The following CSMD1 variants were observed in gnomAD, a reference collection of about 807,000 sequenced individuals.
The protein encoded by CSMD1 is CUB and sushi domain-containing protein 1.
A neutral mutation model predicts 417.5 loss-of-function variants in CSMD1; 213 were observed. That is an observed-to-expected ratio of 0.51 (90% CI 0.46 to 0.57). The LOEUF (loss-of-function observed/expected upper bound fraction) is 0.57. Ranked by LOEUF, CSMD1 falls within the 20% of genes least tolerant of loss-of-function variation. CSMD1 has a pLI of 0.00. For synonymous variants in CSMD1, 2,862 were observed against 1,736.8 expected, an observed-to-expected ratio of 1.65 and a Z score of -16.11; for missense variants, 6,923 against 4,529.7, an observed-to-expected ratio of 1.53 and a Z score of -15.17.
At chr8:3,656,055 A>G (rs924090296) in intron 7 of CSMD1, among the ~76,000 whole-genome samples, 1 of 152,186 alleles carries the variant, frequency 6.6e-6, no homozygotes, top group Non-Finnish European at 1.5e-5. Context: ...AACATGAGAT[A>G]TATTTCAAAT....
At chr8:4,220,241 A>T (rs192241538) in intron 3 of CSMD1, among the ~76,000 whole-genome samples, 61 of 152,348 alleles carry the variant, frequency 4.0e-4, no homozygotes, top group Admixed American at 3.4e-3. Flanking sequence ...GTGAGCCACC[A>T]TGCCCAGTCT....
chr8:3,522,376 T>C (rs1797544373), intron 10 of CSMD1, among the ~76,000 whole-genome samples: 1 of 152,220 alleles, frequency 6.6e-6, no homozygotes, highest in African/African-American at 2.4e-5. Flanking sequence ...CAGGAACAAG[T>C]ATAAAAATAT....
At chr8:3,937,151 G>C (rs1250623629) in intron 5 of CSMD1, among the ~76,000 whole-genome samples, 3 of 152,130 alleles carry the variant, frequency 2.0e-5, no homozygotes, top group Non-Finnish European at 4.4e-5. Flanking sequence ...AAAGAAAGTG[G>C]TTTCTTTAGA....
chr8:4,960,925 T>C (rs567469122), intron 1 of CSMD1, among the ~76,000 whole-genome samples: 1 of 152,206 alleles, frequency 6.6e-6, no homozygotes, highest in South Asian at 2.1e-4. Flanking sequence ...CATGTGGCTG[T>C]TACTTCTGAT....
intron 5 of CSMD1, among the ~76,000 whole-genome samples, chr8:3,826,747 G>A (rs1477965930): frequency 2.0e-5 from 3 of 151,992 alleles, no homozygotes; most frequent in Non-Finnish European, 1.5e-5. Context: ...ATCCCTAGGA[G>A]GACTCACTTA....
At chr8:3,074,886 G>A (rs939580442) in intron 49 of CSMD1, among the ~76,000 whole-genome samples, 11 of 152,220 alleles carry the variant, frequency 7.2e-5, no homozygotes, top group Admixed American at 3.3e-4. Context: ...TTGTATCTAT[G>A]TCCCCACTCA....
At chr8:4,453,810 G>GTTTTTTTTTTTTTTTTTTTTTTTTTTTT (rs1392324658) in intron 2 of CSMD1, among the ~76,000 whole-genome samples, 1 of 93,020 alleles carries the variant, frequency 1.1e-5, no homozygotes. Context: ...TGCGCAATTC[G>GTTTTTTTTTTTTTTTTTTTTTTTTTTTT]TTTCTTTTTT....
chr8:4,735,884 C>G (rs1810201815), intron 1 of CSMD1, among the ~76,000 whole-genome samples: 1 of 152,154 alleles, frequency 6.6e-6, no homozygotes. Flanking sequence ...ATACAACACG[C>G]TACTGCTTTA....
rs188176354 is a variant in CSMD1 at position 4,142,910 on chromosome 8, T to A, written c.416-110811A>T. 4.0e-5 allele frequency among the ~76,000 whole-genome samples: 6 copies of A among 151,202 alleles called. No homozygotes were observed. In the East Asian group the frequency reaches 1.2e-3, roughly 29 times the overall value. The stretch of plus-strand genomic sequence containing the variant: ...GCTGACAACACAATAGGAGAAATTA[T>A]TTTTAGGTCATATGTTGAAGTATTT... On this transcript the variant is annotated intron_variant, in intron 3 of 69. Transcript: ENST00000635120.
At chr8:3,751,958 A>G (rs572965292) in intron 6 of CSMD1, among the ~76,000 whole-genome samples, 2 of 152,204 alleles carry the variant, frequency 1.3e-5, no homozygotes, top group Non-Finnish European at 2.9e-5. Flanking sequence ...ATATTGACTT[A>G]TGGTTATGTT....
chr8:3,908,202 A>C (rs867111742), intron 5 of CSMD1, among the ~76,000 whole-genome samples: 4 of 152,194 alleles, frequency 2.6e-5, no homozygotes, highest in South Asian at 4.1e-4. Flanking sequence ...TACTAAGCAC[A>C]TAATAGTCAT....
chr8:4,707,599 G>A (rs987578830), intron 1 of CSMD1, among the ~76,000 whole-genome samples: 1 of 151,998 alleles, frequency 6.6e-6, no homozygotes, highest in Non-Finnish European at 1.5e-5. Context: ...ACAAGAGAGG[G>A]GAAAGAGCCA....
intron 5 of CSMD1, among the ~76,000 whole-genome samples, chr8:3,984,095 C>T (rs1399153755): frequency 6.8e-6 from 1 of 147,612 alleles, no homozygotes; most frequent in Non-Finnish European, 1.5e-5. Context: ...TCTAACAGGG[C>T]TGTCAATAGC....
intron 11 of CSMD1, among the ~76,000 whole-genome samples, chr8:3,492,675 C>G (rs540001258): frequency 4.1e-4 from 63 of 152,270 alleles, no homozygotes; most frequent in African/African-American, 1.5e-3. Context: ...GTAGCTGAAG[C>G]AGATGCCCAG....
At chr8:3,177,257 C>G (rs1820999302) in intron 37 of CSMD1, among the ~76,000 whole-genome samples, 1 of 152,164 alleles carries the variant, frequency 6.6e-6, no homozygotes. Context: ...GGGGAGTGTG[C>G]CCTTCCACCC....
At chr8:4,160,192 T>G (rs545960638) in intron 3 of CSMD1, among the ~76,000 whole-genome samples, 1 of 152,182 alleles carries the variant, frequency 6.6e-6, no homozygotes, top group African/African-American at 2.4e-5. Context: ...GGGAAGTATT[T>G]GTCTTTTATA....
chr8:3,658,581 G>A (rs1046816578), intron 7 of CSMD1, among the ~76,000 whole-genome samples: 1 of 151,652 alleles, frequency 6.6e-6, no homozygotes, highest in African/African-American at 2.4e-5. Context: ...TCAGGAGTTT[G>A]AGACCAGCTT....
intron 3 of CSMD1, among the ~76,000 whole-genome samples, chr8:4,119,717 CA>C (rs776006644): frequency 6.6e-6 from 1 of 152,204 alleles, no homozygotes; most frequent in African/African-American, 2.4e-5. Flanking sequence ...GCAGTCTGAT[CA>C]CAAACTTCCA....
chr8:4,778,567 G>C (rs1441611217), intron 1 of CSMD1, among the ~76,000 whole-genome samples: 4 of 152,180 alleles, frequency 2.6e-5, no homozygotes, highest in Non-Finnish European at 4.4e-5. Flanking sequence ...CCGCTAGGAA[G>C]ATCAACCTGG....
Sources: gnomAD v4.1 joint callset for allele counts (sites outside exome capture counted in the v4.1 genomes callset) on GRCh38, gnomAD v4.1.1 for gene constraint, MANE v1.5 for transcripts, NCBI Gene and HGNC (gene_info 2026-07-23, HGNC 2026-07-21) for gene names.